SMOC1: variants seen among roughly 807,000 people sequenced by gnomAD.
The protein encoded by SMOC1 is SPARC related modular calcium binding 1.
SMOC1 carries 22 observed loss-of-function variants against 56.3 expected under a neutral mutation model. The ratio of observed to expected loss-of-function variants is 0.39; its 90% CI spans 0.28 to 0.56. The LOEUF (loss-of-function observed/expected upper bound fraction) is 0.56. SMOC1 is among the 20% of genes least tolerant of loss of function. SMOC1 has a pLI of 0.61. For missense variants in SMOC1, 509 were observed against 565.4 expected (o/e 0.90, Z 1.01); for synonymous variants, 193 against 215.0 (o/e 0.90, Z 0.89).
At chr14:69,999,778 C>T (rs539509771) in intron 7 of SMOC1, among the ~76,000 whole-genome samples, 6 of 152,264 alleles carry the variant, frequency 3.9e-5, no homozygotes, top group Admixed American at 3.9e-4. Flanking sequence ...CCCCATGAAG[C>T]CTAGCCGCAC....
At chr14:69,926,516 C>T (rs928241504) in intron 1 of SMOC1, among the ~76,000 whole-genome samples, 1 of 152,182 alleles carries the variant, frequency 6.6e-6, no homozygotes, top group Non-Finnish European at 1.5e-5. Flanking sequence ...GTTTGGATTC[C>T]TTCTCCTGCT....
chr14:69,901,920 ACT>A (rs1884251979), intron 1 of SMOC1, among the ~76,000 whole-genome samples: 1 of 151,926 alleles, frequency 6.6e-6, no homozygotes, highest in Non-Finnish European at 1.5e-5. Flanking sequence ...CCCAGCCTCT[ACT>A]CTGTCTTTTC....
intron 11 of SMOC1, among the ~76,000 whole-genome samples, chr14:70,023,991 A>T (rs1245869365): frequency 6.6e-6 from 1 of 152,088 alleles, no homozygotes; most frequent in Non-Finnish European, 1.5e-5. Context: ...AACCAGATGG[A>T]GTAGACATGA....
At chr14:69,994,212 T>C (rs1594844504) in intron 6 of SMOC1, 188 bp from the exon 7 acceptor site, 6 of 695,998 alleles carry the variant, frequency 8.6e-6, no homozygotes, top group Non-Finnish European at 5.2e-6. Context: ...TCGGCTCTTA[T>C]GAGCTGTTGG....
intron 10 of SMOC1, among the ~76,000 whole-genome samples, chr14:70,017,055 G>A (rs758539753): frequency 2.6e-5 from 4 of 152,220 alleles, no homozygotes; most frequent in Non-Finnish European, 5.9e-5. Context: ...CCAGAGCTTA[G>A]ACTAGTGTCT....
intron 1 of SMOC1, among the ~76,000 whole-genome samples, chr14:69,882,338 C>T (rs530946140): frequency 1.9e-4 from 29 of 152,296 alleles, no homozygotes; most frequent in Middle Eastern, 6.8e-3. Context: ...TTCTAGGAAA[C>T]CAAGAGCATG....
At chr14:69,959,976 A>G (rs1883314607) in intron 3 of SMOC1, among the ~76,000 whole-genome samples, 2 of 152,160 alleles carry the variant, frequency 1.3e-5, no homozygotes, top group Admixed American at 6.5e-5. Flanking sequence ...ATAGAAACGC[A>G]TCTTCCTGAC....
In SMOC1 at chr14:70,011,557, G is replaced by C; in HGVS notation, c.930G>C (p.Arg310Ser). The change falls in exon 9 of 12, where the codon AGG (arginine) becomes AGC (serine). Residue 310 changes from arginine (R) to serine (S), a missense_variant. This residue lies in a region of SMOC1 where 176 missense variants were observed against 188.1 expected (regional missense o/e 0.94). Coordinates refer to ENST00000361956, the MANE Select transcript of SMOC1 (RefSeq NM_001034852.3). ...AGGCGGATGACCCCTTCAAGGACAG[G>C]GAGCTACCAGGTGGGAGACGATGCT... Reference protein sequence around the residue: ...TTEADDPFKDRELPGCPEGKK... With the variant: ...TTEADDPFKDSELPGCPEGKK... 1 of 1,614,046 alleles carries C rather than the reference G, an allele frequency of 6.2e-7. No individual in the cohort carries two copies. Among genetic ancestry groups the C allele is most frequent in the Non-Finnish European group, 8.5e-7 (1 of 1,179,992 alleles).
intron 5 of SMOC1, among the ~76,000 whole-genome samples, chr14:69,987,246 G>T (rs983009250): frequency 5.9e-5 from 9 of 152,222 alleles, no homozygotes; most frequent in Non-Finnish European, 8.8e-5. Flanking sequence ...CAGCCTGAAA[G>T]AATATGAGGG....
At position 69,920,488 on chromosome 14, in the gene SMOC1, G is replaced by A. The variant is rs181916299; in HGVS notation, c.100-31650G>A. Among the ~76,000 whole-genome samples, 704 of 152,270 alleles carry A rather than the reference G, an allele frequency of 4.6e-3. 1 individual carries two copies. The highest frequency in any genetic ancestry group is 0.024 in the Middle Eastern group (7 of 294). ...TGCTCATACATCTCAACAGGTTCCTGTCATATTCAAATGGCTCTGTCCTCC... is the reference window on the plus strand; with the variant it reads ...TGCTCATACATCTCAACAGGTTCCTATCATATTCAAATGGCTCTGTCCTCC... On this transcript the variant is annotated intron_variant, in intron 1 of 11. Transcript: ENST00000361956.
In SMOC1 at chr14:70,030,452, C is replaced by A. The variant is rs1261107998; in HGVS notation, c.*194C>A. ...CATTTTAAAACACCAATATCTAATA[C>A]CACAGTGGGAAAAGGAAAGGGAAGA... is the stretch of plus-strand genomic sequence containing the variant. On this transcript the variant is annotated 3_prime_UTR_variant, in exon 12 of 12. Transcript: ENST00000361956. 1.5e-5 allele frequency: 9 copies of A among 599,294 alleles called. No homozygotes were observed. The highest frequency in any genetic ancestry group is 2.3e-5 in the Non-Finnish European group (8 of 347,770). 37.1% of individuals were successfully genotyped at this position (599,294 alleles called of 1,614,324 possible).
At chr14:70,012,127 T>C (rs75732993) in intron 9 of SMOC1, among the ~76,000 whole-genome samples, 4,647 of 152,302 alleles carry the variant, frequency 0.031, 125 homozygotes, top group Middle Eastern at 0.14. Context: ...TGGAATCTTA[T>C]TGTCTTTACA....
chr14:69,951,030 T>G (rs1736611153), intron 1 of SMOC1, among the ~76,000 whole-genome samples: 1 of 152,236 alleles, frequency 6.6e-6, no homozygotes, highest in Admixed American at 6.5e-5. Context: ...GGGACTAGAC[T>G]CACCTGAAGG....
chr14:69,930,209 T>TCCCCTGACAGCACCCTTCC (rs1566677592), intron 1 of SMOC1, among the ~76,000 whole-genome samples: 23 of 129,172 alleles, frequency 1.8e-4, no homozygotes, highest in African/African-American at 9.5e-4. Flanking sequence ...AGCACCCTTC[T>TCCCCTGACAGCACCCTTCC]CACCCCCCTG....
At chr14:69,961,288 A>ATATATC in intron 3 of SMOC1, among the ~76,000 whole-genome samples, 1 of 71,870 alleles carries the variant, frequency 1.4e-5, no homozygotes, top group South Asian at 4.7e-4. Flanking sequence ...ATATATATAT[A>ATATATC]TATATATATA....
At chr14:69,954,034 T>C (rs1883101365) in intron 3 of SMOC1, among the ~76,000 whole-genome samples, 1 of 152,222 alleles carries the variant, frequency 6.6e-6, no homozygotes, top group Admixed American at 6.5e-5. Context: ...TGTATACACA[T>C]ACAGGTATGC....
chr14:69,987,932 C>T (rs921407252), intron 5 of SMOC1, among the ~76,000 whole-genome samples: 25 of 152,164 alleles, frequency 1.6e-4, no homozygotes, highest in East Asian at 1.9e-4. Context: ...AAGGACAAGG[C>T]GTGACTGGGG....
intron 1 of SMOC1, among the ~76,000 whole-genome samples, chr14:69,924,901 G>T: frequency 3.7e-5 from 1 of 27,254 alleles, no homozygotes; most frequent in East Asian, 7.6e-4. Context: ...GGAGAGGTAG[G>T]GGAGGAGGAG....
At chr14:70,002,875 C>T (rs1022743896) in intron 7 of SMOC1, among the ~76,000 whole-genome samples, 1 of 152,196 alleles carries the variant, frequency 6.6e-6, no homozygotes, top group African/African-American at 2.4e-5. Context: ...GCAACCCTTC[C>T]CTGGGGCACC....
Sources: allele counts gnomAD v4.1 joint callset (sites outside exome capture counted in the v4.1 genomes callset), GRCh38; gene constraint gnomAD v4.1.1; regional missense constraint gnomAD v4.1.1; transcripts MANE v1.5; gene names NCBI Gene and HGNC (gene_info 2026-07-23, HGNC 2026-07-21).